The following BNC2 variants were observed in gnomAD, a reference collection of about 807,000 sequenced individuals.
BNC2 encodes the protein zinc finger protein basonuclin-2.
In BNC2, 20 loss-of-function variants were observed where a neutral mutation model predicts 76.3. That is an observed-to-expected ratio of 0.26 (90% CI 0.18 to 0.38). BNC2 has a LOEUF of 0.38. BNC2 is among the 10% of genes least tolerant of loss of function. BNC2 has a pLI of 1.00. For missense variants in BNC2, 1,382 were observed against 1,399.8 expected (o/e 0.99, Z 0.20); for synonymous variants, 582 against 514.8 (o/e 1.13, Z -1.77).
Position 16,411,515 on chromosome 9 carries a change from C to T in BNC2, c.*7474G>A, listed in dbSNP as rs900513006. 2.0e-5 allele frequency: 3 copies of T among 152,494 alleles called. No individual in the cohort carries two copies. The highest frequency in any genetic ancestry group is 4.4e-5 in the Non-Finnish European group (3 of 68,032). 9.4% of individuals were successfully genotyped at this position (152,494 alleles called of 1,614,324 possible). On this transcript the variant is annotated 3_prime_UTR_variant, in exon 7 of 7. Coordinates refer to ENST00000380672, the MANE Select transcript of BNC2 (RefSeq NM_017637.6). Reference sequence around the variant, plus strand: ...CTAGTATCAGCGAGCAGAACTTGTGCAATTTTGGCAACTGGTTTTTCAATT... The same window carrying T: ...CTAGTATCAGCGAGCAGAACTTGTGTAATTTTGGCAACTGGTTTTTCAATT...
At chr9:16,435,044 G>A in intron 6 of BNC2, 1 of 471,518 alleles carries the variant, frequency 2.1e-6, no homozygotes, top group Admixed American at 2.3e-5. Flanking sequence ...CTACGGAGAT[G>A]CAGGCTGTCT....
intron 5 of BNC2, among the ~76,000 whole-genome samples, chr9:16,478,649 G>C (rs959165230): frequency 6.6e-6 from 1 of 152,100 alleles, no homozygotes; most frequent in African/African-American, 2.4e-5. Flanking sequence ...CAAATTATAA[G>C]AGGAAAGGAC....
At position 16,645,877 on chromosome 9, in the gene BNC2, G is replaced by A. The variant is rs568836844; in HGVS notation, c.331-62792C>T. Among the ~76,000 whole-genome samples, 4 of 152,226 alleles carry A rather than the reference G, an allele frequency of 2.6e-5. No individual in the cohort carries two copies. In the South Asian group the frequency reaches 8.3e-4, roughly 32 times the overall value. ...CAAGATCCTCTCAAGTAGCAACTCA[G>A]GTCCAGAACCATTCTGGGACTTCTG... is the stretch of plus-strand genomic sequence containing the variant. On this transcript the variant is annotated intron_variant, in intron 3 of 6. Transcript: ENST00000380672.
chr9:16,833,460 CAAGAGCTTCG>C (rs1818631027), intron 1 of BNC2, among the ~76,000 whole-genome samples: 1 of 152,040 alleles, frequency 6.6e-6, no homozygotes, highest in South Asian at 2.2e-4. Context: ...CTTGGGAAGC[CAAGAGCTTCG>C]AGGTCATTAG....
At chr9:16,477,868 C>A (rs1229579165) in intron 5 of BNC2, among the ~76,000 whole-genome samples, 1 of 152,104 alleles carries the variant, frequency 6.6e-6, no homozygotes, top group Admixed American at 6.5e-5. Context: ...ACTCATAGAA[C>A]AAAGGGGATA....
At chr9:16,505,523 T>C (rs540165696) in intron 5 of BNC2, among the ~76,000 whole-genome samples, 2 of 152,194 alleles carry the variant, frequency 1.3e-5, no homozygotes, top group East Asian at 3.9e-4. Flanking sequence ...CCAACCAAGG[T>C]CTGGAGAAAA....
intron 1 of BNC2, among the ~76,000 whole-genome samples, chr9:16,839,977 C>G (rs1477430261): frequency 6.6e-6 from 1 of 152,218 alleles, no homozygotes; most frequent in Non-Finnish European, 1.5e-5. Context: ...CTGCAGGATT[C>G]TCTTCTCAAT....
At position 16,463,256 on chromosome 9, in the gene BNC2, C is replaced by T. The variant is rs1244721195; in HGVS notation, c.670-25732G>A. ...TGGAAAGTTAACAAAAATGACTATG[C>T]TGAAAATTTGCCACTGTGAGCATAC... On this transcript the variant is annotated intron_variant, in intron 5 of 6. Transcript: ENST00000380672. Among the ~76,000 whole-genome samples the T allele has an allele frequency of 5.3e-5, 8 of 150,018 alleles. No individual in the cohort carries two copies. The East Asian group carries it at 9.8e-4, about 18-fold the overall frequency.
intron 3 of BNC2, among the ~76,000 whole-genome samples, chr9:16,602,083 C>T (rs1338141188): frequency 6.6e-6 from 1 of 152,112 alleles, no homozygotes; most frequent in East Asian, 1.9e-4. Flanking sequence ...TTCTAACCCC[C>T]TTGCAGGAAC....
intron 1 of BNC2, among the ~76,000 whole-genome samples, chr9:16,753,647 G>A (rs546127204): frequency 6.6e-6 from 1 of 152,204 alleles, no homozygotes; most frequent in African/African-American, 2.4e-5. Flanking sequence ...TGTACAGCTG[G>A]ATCCAATATT....
chr9:16,717,910 G>T (rs532604149), intron 3 of BNC2, among the ~76,000 whole-genome samples: 1 of 152,252 alleles, frequency 6.6e-6, no homozygotes, highest in African/African-American at 2.4e-5. Flanking sequence ...GGTTTATTAA[G>T]AAATTATTTA....
intron 3 of BNC2, among the ~76,000 whole-genome samples, chr9:16,687,312 G>A (rs1823008191): frequency 6.6e-6 from 1 of 152,100 alleles, no homozygotes; most frequent in African/African-American, 2.4e-5. Context: ...GGAAAAAGGC[G>A]CTAACCGAAA....
At chr9:16,426,179 C>T (rs1024659227) in intron 6 of BNC2, among the ~76,000 whole-genome samples, 1 of 152,288 alleles carries the variant, frequency 6.6e-6, no homozygotes, top group Non-Finnish European at 1.5e-5. Context: ...TAAATCTGAG[C>T]TTTGAGTTTT....
rs1207038245 is a variant in BNC2, at chr9:16,733,113, AGAAGTGGGG to A, written c.130-5125_130-5117del. ...TATGCAGCAGGCTGGACTCAGTCAC[AGAAGTGGGG>A]GAACCAACTAAGGAAATGTCATTTT... is the stretch of plus-strand genomic sequence containing the variant. On this transcript the variant is annotated intron_variant, in intron 2 of 6. Transcript: ENST00000380672. Among the ~76,000 whole-genome samples the A allele has an allele frequency of 2.6e-5, 4 of 152,250 alleles. No individual in the cohort carries two copies. The South Asian group carries it at 6.2e-4, about 24-fold the overall frequency.
chr9:16,445,976 G>C (rs1246120503), intron 5 of BNC2, among the ~76,000 whole-genome samples: 1 of 152,074 alleles, frequency 6.6e-6, no homozygotes, highest in African/African-American at 2.4e-5. Flanking sequence ...TAGAATGTTG[G>C]GGCTCTCAGA....
chr9:16,837,876 C>T (rs1033908415), intron 1 of BNC2, among the ~76,000 whole-genome samples: 1 of 151,694 alleles, frequency 6.6e-6, no homozygotes, highest in African/African-American at 2.4e-5. Context: ...TGCAGTGAGC[C>T]GAGATCATAC....
intron 1 of BNC2, among the ~76,000 whole-genome samples, chr9:16,856,030 G>T (rs1819246916): frequency 6.6e-6 from 1 of 152,070 alleles, no homozygotes; most frequent in Non-Finnish European, 1.5e-5. Context: ...AAAACAGTAA[G>T]TAAGACACTC....
Position 16,500,628 on chromosome 9 carries a change from C to T in BNC2, c.669+51902G>A, listed in dbSNP as rs182330373. On this transcript the variant is annotated intron_variant, in intron 5 of 6. Transcript: ENST00000380672. Reference sequence around the variant, plus strand: ...GTTATGCTAACCAATCTTCTATATGCGCTTGCAAATTTTGGCCAAAGAATT... The same window carrying T: ...GTTATGCTAACCAATCTTCTATATGTGCTTGCAAATTTTGGCCAAAGAATT... Among the ~76,000 whole-genome samples, 46 of 152,202 alleles carry T rather than the reference C, an allele frequency of 3.0e-4. 1 individual carries two copies. In the East Asian group the frequency reaches 7.5e-3, roughly 25 times the overall value.
At chr9:16,653,715 C>A (rs1379333681) in intron 3 of BNC2, among the ~76,000 whole-genome samples, 1 of 152,162 alleles carries the variant, frequency 6.6e-6, no homozygotes, top group African/African-American at 2.4e-5. Context: ...TAGTTGTCTG[C>A]ACCATACCAA....
Sources: gnomAD v4.1 joint callset for allele counts (sites outside exome capture counted in the v4.1 genomes callset) on GRCh38, gnomAD v4.1.1 for gene constraint, MANE v1.5 for transcripts, NCBI Gene and HGNC (gene_info 2026-07-23, HGNC 2026-07-21) for gene names.